TSPAN10: variants seen among roughly 807,000 people sequenced by gnomAD.
TSPAN10 encodes tetraspanin-10.
A neutral mutation model predicts 15.0 loss-of-function variants in TSPAN10; 11 were observed. That is an observed-to-expected ratio of 0.73 (90% confidence interval 0.46 to 1.21). The LOEUF is 1.21. Ranked by LOEUF, TSPAN10 falls within the 50% of genes most tolerant of loss-of-function variation. The pLI, the probability that TSPAN10 is intolerant of heterozygous loss-of-function variation, is 0.00. For missense variants in TSPAN10, 486 were observed against 470.6 expected (o/e 1.03, Z -0.30); for synonymous variants, 241 against 226.2 (o/e 1.07, Z -0.59).
exon 2 of TSPAN10, chr17:81,645,206 A>G (rs766646351): frequency 1.3e-6 from 2 of 1,543,296 alleles, no homozygotes; most frequent in Non-Finnish European, 1.7e-6. Flanking sequence ...TTCCTCTCCA[A>G]CTTCCCCTTC....
intron 2 of TSPAN10, 83 bp downstream of exon 3, chr17:81,645,712 C>A: frequency 6.5e-7 from 1 of 1,531,628 alleles, no homozygotes; most frequent in Non-Finnish European, 8.9e-7. Context: ...CACAGTCACT[C>A]ACACGTACAT....
intron 1 of TSPAN10, among the ~76,000 whole-genome samples, chr17:81,643,001 A>G (rs1038444541): frequency 0.013 from 493 of 37,612 alleles, 3 homozygotes; most frequent in South Asian, 0.043. Flanking sequence ...AATATTATAT[A>G]TATATATATA....
chr17:81,640,322 A>G (rs1234279419), upstream of TSPAN10, among the ~76,000 whole-genome samples: 1 of 151,762 alleles, frequency 6.6e-6, no homozygotes, highest in Non-Finnish European at 1.5e-5. Context: ...TAGCTCGAAG[A>G]TGGCACCTTC....
intron 1 of TSPAN10, 91 bp downstream of exon 2, chr17:81,642,539 C>A: frequency 3.0e-6 from 4 of 1,327,302 alleles, no homozygotes; most frequent in Non-Finnish European, 4.2e-6. Flanking sequence ...TTCACACCCA[C>A]CCCTGCCCCT....
Position 81,643,338 on chromosome 17 carries a change from G to A in TSPAN10, c.36+890G>A, listed in dbSNP as rs568482844. 6.5e-4 allele frequency among the ~76,000 whole-genome samples: 25 copies of A among 38,610 alleles called. 5 individuals are homozygous for A. The highest frequency in any genetic ancestry group is 0.022 in the Middle Eastern group (2 of 92). 25.3% of individuals were successfully genotyped at this position (38,610 alleles called of 152,430 possible). On this transcript the variant is annotated intron_variant, in intron 1 of 2. Coordinates refer to ENST00000611590, the Ensembl canonical transcript of TSPAN10. ...TAAAAAATTACCGGGACGGCCGGGC[G>A]CGGTGGCTCACGCCTGTAATCCCAG...
chr17:81,648,394 C>A, downstream of TSPAN10: 1 of 1,103,950 alleles, frequency 9.1e-7, no homozygotes, highest in Non-Finnish European at 1.1e-6. Context: ...CGCCTGATTT[C>A]GCTCGGGCTT....
rs151005766 is a variant in TSPAN10, at chr17:81,645,717, G to A, written c.674+88G>A. The A allele has an allele frequency of 1.6e-4, 246 of 1,519,830 alleles. 1 individual carries two copies. In the African/African-American group the frequency reaches 2.0e-3, roughly 12 times the overall value. 94.1% of individuals were successfully genotyped at this position (1,519,830 alleles called of 1,614,324 possible). ...TGCGTGTACACACAGTCACTCACAC[G>A]TACATACTCATTCGTGCATGCCCAC... On this transcript the variant is annotated intron_variant, in intron 2 of 2. Transcript: ENST00000611590.
upstream of TSPAN10, among the ~76,000 whole-genome samples, chr17:81,641,865 G>A (rs1047305396): frequency 7.2e-6 from 1 of 138,270 alleles, no homozygotes; most frequent in Admixed American, 7.6e-5. Flanking sequence ...CAACAAGAGC[G>A]AAACTCAGTC....
chr17:81,647,842 C>T, intron 2 of TSPAN10, 59 bp from the exon 4 acceptor site: 1 of 1,546,904 alleles, frequency 6.5e-7, no homozygotes, highest in Non-Finnish European at 8.7e-7. Context: ...CGCCTCTGTG[C>T]CTGGTCCCAG....
exon 2 of TSPAN10, chr17:81,645,471 G>C (rs745902909): frequency 6.3e-7 from 1 of 1,580,152 alleles, no homozygotes; most frequent in South Asian, 1.1e-5. Flanking sequence ...CCCTGGTGGT[G>C]GCCCTCTGGG....
At chr17:81,639,890 G>A (rs62075717), upstream of TSPAN10, among the ~76,000 whole-genome samples, 12,057 of 151,856 alleles carry the variant, frequency 0.079, 562 homozygotes, top group Middle Eastern at 0.17. Context: ...TGAGGCAGGA[G>A]AATGGCGTGA....
At chr17:81,648,434 C>T, downstream of TSPAN10, 1 of 829,800 alleles carries the variant, frequency 1.2e-6, no homozygotes, top group South Asian at 6.1e-5. Context: ...ACCTACCCAG[C>T]TCGCTCACTT....
At chr17:81,645,867 GCACA>G in intron 2 of TSPAN10, 1 of 623,246 alleles carries the variant, frequency 1.6e-6, no homozygotes. Flanking sequence ...ATGTTCTTGT[GCACA>G]CACAAAACAG....
upstream of TSPAN10, among the ~76,000 whole-genome samples, chr17:81,641,037 C>T (rs149946808): frequency 1.4e-3 from 214 of 151,966 alleles, no homozygotes; most frequent in Non-Finnish European, 2.5e-3. Context: ...TCAGGTGTGG[C>T]GCCTGCAATC....
chr17:81,648,360 A>G (rs898749010), downstream of TSPAN10: 6 of 1,183,772 alleles, frequency 5.1e-6, no homozygotes, highest in African/African-American at 6.4e-5. Flanking sequence ...CCCGGCTAAA[A>G]AGCGCGGCCT....
chr17:81,643,886 T>TCTGCTCATGCAACCTCTGCCTC (rs1371224135), intron 1 of TSPAN10, among the ~76,000 whole-genome samples: 1 of 152,124 alleles, frequency 6.6e-6, no homozygotes, highest in Non-Finnish European at 1.5e-5. Flanking sequence ...TCACGCGATC[T>TCTGCTCATGCAACCTCTGCCTC]CTGCTCATGC....
In TSPAN10 at chr17:81,637,343, C is replaced by A. The variant is rs150836502; in HGVS notation, c.-56C>A. ...CCGAAGTCTCACCCAAAAATAACTA[C>A]TGCTGCGTATTATAGCGTATTATAA... is the stretch of plus-strand genomic sequence containing the variant. On this transcript the variant is annotated 5_prime_UTR_variant, in exon 1 of 4. The change creates a new upstream start codon in the 5' untranslated region. Transcript: ENST00000574882. 4.8e-4 allele frequency: 331 copies of A among 682,866 alleles called. 3 individuals are homozygous for A. The East Asian group carries it at 9.0e-3, about 19-fold the overall frequency. 42.3% of individuals were successfully genotyped at this position (682,866 alleles called of 1,614,324 possible).
intron 2 of TSPAN10, 65 bp downstream of exon 3, chr17:81,645,694 C>T (rs1000327775): frequency 3.3e-5 from 52 of 1,571,242 alleles, no homozygotes; most frequent in Non-Finnish European, 4.2e-5. Flanking sequence ...CACCCTTGTG[C>T]GTGTACACAC....
rs377199393 is a variant in TSPAN10 at position 81,645,017 on chromosome 17, C to G, written c.62C>G (p.Ser21Cys). 32 of 1,610,762 alleles carry G rather than the reference C, an allele frequency of 2.0e-5. No homozygotes were observed. The African/African-American group carries it at 4.1e-4, about 21-fold the overall frequency. Residue 21 changes from serine to cysteine, a missense_variant, in exon 2 of 3, where the codon TCT (serine) becomes TGT (cysteine). By Grantham distance (112) the Ser-to-Cys change is moderately radical. Transcript: ENST00000611590. The stretch of plus-strand genomic sequence containing the variant: ...GAAACTGCAGGCCAGAAGCCCCTCT[C>G]TGTGCACAGGCCACCCACCTCAGGC...
Sources: allele counts gnomAD v4.1 joint callset (sites outside exome capture counted in the v4.1 genomes callset), GRCh38; gene constraint gnomAD v4.1.1; transcripts MANE v1.5; gene names NCBI Gene and HGNC (gene_info 2026-07-23, HGNC 2026-07-21).